The following OR1F1 variants were observed in gnomAD, a reference collection of about 807,000 sequenced individuals.
The protein encoded by OR1F1 is olfactory receptor family 1 subfamily F member 1, also known as olfactory receptor 1F1.
For missense variants in OR1F1, 493 were observed against 376.3 expected (o/e 1.31, Z -2.57); for synonymous variants, 184 against 156.7 (o/e 1.17, Z -1.30).
the OR1F1 span, among the ~76,000 whole-genome samples, chr16:3,192,445 A>G: frequency 1.3e-5 from 2 of 152,242 alleles, no homozygotes; most frequent in Non-Finnish European, 2.9e-5. Flanking sequence ...AATTTATAAA[A>G]TATAAAGTTA....
At chr16:3,190,673 C>T in the OR1F1 span, among the ~76,000 whole-genome samples, 2 of 151,340 alleles carry the variant, frequency 1.3e-5, no homozygotes, top group Non-Finnish European at 1.5e-5. Flanking sequence ...ATCGCTTGAA[C>T]CCCGGAGATG....
chr16:3,206,206 T>C (rs1958207335), downstream of OR1F1, among the ~76,000 whole-genome samples: 1 of 152,192 alleles, frequency 6.6e-6, no homozygotes, highest in Non-Finnish European at 1.5e-5. Context: ...TCAGGCTTAT[T>C]AGTGTGGGGA....
the OR1F1 span, among the ~76,000 whole-genome samples, chr16:3,193,398 G>T: frequency 6.6e-6 from 1 of 152,206 alleles, no homozygotes; most frequent in South Asian, 2.1e-4. Context: ...CGGGCGCCTG[G>T]GACTCCTTTC....
At chr16:3,195,073 C>A in the OR1F1 span, among the ~76,000 whole-genome samples, 1 of 152,184 alleles carries the variant, frequency 6.6e-6, no homozygotes, top group South Asian at 2.1e-4. Context: ...TCCCCCGGAG[C>A]ACAATGCCAG....
chr16:3,194,856 C>G, the OR1F1 span, among the ~76,000 whole-genome samples: 2 of 152,192 alleles, frequency 1.3e-5, no homozygotes, highest in African/African-American at 4.8e-5. Flanking sequence ...CTCCTGTGCT[C>G]AAGTTATCTT....
the OR1F1 span, among the ~76,000 whole-genome samples, chr16:3,190,970 A>C: frequency 2.0e-5 from 3 of 152,286 alleles, no homozygotes; most frequent in Admixed American, 2.0e-4. Context: ...ACAACCAAAT[A>C]GTTCTAGATA....
upstream of OR1F1, among the ~76,000 whole-genome samples, chr16:3,203,741 C>T (rs755803285): frequency 6.6e-5 from 10 of 152,126 alleles, no homozygotes; most frequent in East Asian, 1.5e-3. Flanking sequence ...TCTAGCCTGG[C>T]GACAGAGCGA....
the OR1F1 span, among the ~76,000 whole-genome samples, chr16:3,196,299 A>C: frequency 6.6e-6 from 1 of 152,244 alleles, no homozygotes; most frequent in African/African-American, 2.4e-5. Flanking sequence ...GTCTTTGCCC[A>C]GTGAAAGTTT....
chr16:3,188,756 C>T, the OR1F1 span, among the ~76,000 whole-genome samples: 1 of 152,122 alleles, frequency 6.6e-6, no homozygotes, highest in Non-Finnish European at 1.5e-5. Flanking sequence ...TCTCGGGAGT[C>T]AGGTGAAATC....
upstream of OR1F1, among the ~76,000 whole-genome samples, chr16:3,201,781 C>T (rs1958138382): frequency 6.6e-6 from 1 of 152,146 alleles, no homozygotes; most frequent in African/African-American, 2.4e-5. Context: ...AAGCAGCTTT[C>T]CATAAGACAT....
At chr16:3,193,956 G>C in the OR1F1 span, among the ~76,000 whole-genome samples, 23 of 152,282 alleles carry the variant, frequency 1.5e-4, no homozygotes, top group East Asian at 4.1e-3. Flanking sequence ...GGCCTCCTAA[G>C]CCAGGGATTG....
upstream of OR1F1, among the ~76,000 whole-genome samples, chr16:3,202,860 G>A (rs79470380): frequency 1.1e-4 from 17 of 152,204 alleles, no homozygotes; most frequent in East Asian, 3.1e-3. Context: ...ATAGATGATG[G>A]GAGCTGGTGA....
the OR1F1 span, among the ~76,000 whole-genome samples, chr16:3,197,357 G>C: frequency 1.3e-5 from 2 of 152,104 alleles, no homozygotes; most frequent in African/African-American, 4.8e-5. Flanking sequence ...TTGAACAAAT[G>C]TTTTATGTCA....
the OR1F1 span, among the ~76,000 whole-genome samples, chr16:3,190,301 C>A: frequency 2.0e-5 from 3 of 152,178 alleles, no homozygotes; most frequent in African/African-American, 7.2e-5. Flanking sequence ...AACCCGGGTA[C>A]CCCGTCCTGA....
At chr16:3,196,537 C>T in the OR1F1 span, among the ~76,000 whole-genome samples, 6 of 151,714 alleles carry the variant, frequency 4.0e-5, no homozygotes, top group South Asian at 2.1e-4. Flanking sequence ...GCACGCACTA[C>T]GACACCCAGC....
the OR1F1 span, among the ~76,000 whole-genome samples, chr16:3,193,244 A>G: frequency 6.6e-6 from 1 of 152,160 alleles, no homozygotes; most frequent in African/African-American, 2.4e-5. Context: ...ATCTTTTGTC[A>G]TGCCCTGGAC....
At chr16:3,196,945 C>T in the OR1F1 span, among the ~76,000 whole-genome samples, 1 of 152,158 alleles carries the variant, frequency 6.6e-6, no homozygotes, top group Admixed American at 6.5e-5. Context: ...GGTGCAATCT[C>T]AGCTTCCTGC....
At chr16:3,199,319 T>G (rs1409848484), upstream of OR1F1, among the ~76,000 whole-genome samples, 3 of 151,182 alleles carry the variant, frequency 2.0e-5, no homozygotes, top group South Asian at 2.1e-4. Context: ...TAATAATTAT[T>G]ATGATGATGA....
At chr16:3,194,950 A>G in the OR1F1 span, among the ~76,000 whole-genome samples, 1 of 152,226 alleles carries the variant, frequency 6.6e-6, no homozygotes, top group Non-Finnish European at 1.5e-5. Context: ...ACTCCTGGGC[A>G]TGAAAGACCT....
Sources: gnomAD v4.1 joint callset for allele counts (sites outside exome capture counted in the v4.1 genomes callset) on GRCh38, gnomAD v4.1.1 for gene constraint, MANE v1.5 for transcripts, NCBI Gene and HGNC (gene_info 2026-07-23, HGNC 2026-07-21) for gene names.